The following HELZ variants were observed in gnomAD, a reference collection of about 807,000 sequenced individuals.
The protein encoded by HELZ is ATP-dependent RNA helicase with zinc finger domain.
Under a neutral mutation model 218.2 loss-of-function variants are expected in HELZ, and 23 were observed. The observed-to-expected ratio is 0.11, with a 90% CI of 0.08 to 0.15. HELZ has a LOEUF of 0.15. Among genes scored for constraint, HELZ ranks in the 10% least tolerant of loss-of-function variants. The pLI, the probability that HELZ is intolerant of heterozygous loss-of-function variation, is 1.00. For missense variants in HELZ, 1,813 were observed against 2,353.7 expected, an observed-to-expected ratio of 0.77 and a Z score of 4.75; for synonymous variants, 814 against 829.4, an observed-to-expected ratio of 0.98 and a Z score of 0.32.
chr17:67,231,572 G>GAC, intron 3 of HELZ, among the ~76,000 whole-genome samples: 1 of 145,574 alleles, frequency 6.9e-6, no homozygotes, highest in African/African-American at 2.5e-5. Context: ...CACCCTGGGT[G>GAC]ACAGAGCCAG....
intron 17 of HELZ, among the ~76,000 whole-genome samples, chr17:67,154,501 A>T (rs535215029): frequency 1.3e-5 from 2 of 152,310 alleles, no homozygotes; most frequent in South Asian, 4.1e-4. Context: ...CTAATTACTA[A>T]GTAATTTTTT....
chr17:67,145,651 C>T (rs1181610090), intron 21 of HELZ, 92 bp downstream of exon 21: 1 of 967,992 alleles, frequency 1.0e-6, no homozygotes, highest in Non-Finnish European at 1.6e-6. Flanking sequence ...ATATGCAATA[C>T]AATGTCAACC....
intron 23 of HELZ, among the ~76,000 whole-genome samples, chr17:67,132,293 A>G (rs1307896004): frequency 2.6e-5 from 4 of 152,070 alleles, no homozygotes; most frequent in Non-Finnish European, 4.4e-5. Flanking sequence ...ATATGTTTAT[A>G]TTTTACAGAG....
rs1215383136 is a variant in HELZ, at chr17:67,112,556, T to C, written c.3918+1768A>G. Reference sequence around the variant, plus strand: ...GCTGCCTCATTTGTACTGCAGCCCCTCCAGTGGGTACTGAATCCTTCCATA... The same window carrying C: ...GCTGCCTCATTTGTACTGCAGCCCCCCCAGTGGGTACTGAATCCTTCCATA... On this transcript the variant is annotated intron_variant, in intron 28 of 32. Transcript: ENST00000358691. Among the ~76,000 whole-genome samples, 3 of 152,194 alleles carry C rather than the reference T, an allele frequency of 2.0e-5. No homozygotes were observed. In the East Asian group the frequency reaches 5.8e-4, roughly 29 times the overall value.
intron 31 of HELZ, among the ~76,000 whole-genome samples, chr17:67,102,760 A>C (rs1432481652): frequency 6.6e-6 from 1 of 152,206 alleles, no homozygotes; most frequent in East Asian, 1.9e-4. Flanking sequence ...TTGTCAAATA[A>C]ATTTTTCAGT....
chr17:67,134,082 C>T (rs2038070450), intron 23 of HELZ, among the ~76,000 whole-genome samples: 1 of 152,094 alleles, frequency 6.6e-6, no homozygotes, highest in African/African-American at 2.4e-5. Context: ...TCATTTGTAA[C>T]TCAGAATTAA....
At chr17:67,165,383 G>A (rs1318440863) in intron 15 of HELZ, among the ~76,000 whole-genome samples, 6 of 152,072 alleles carry the variant, frequency 3.9e-5, no homozygotes, top group Non-Finnish European at 5.9e-5. Flanking sequence ...AGCTTCCCAC[G>A]TGACCCTCCG....
At chr17:67,166,113 T>C (rs974482781) in intron 15 of HELZ, among the ~76,000 whole-genome samples, 2 of 152,188 alleles carry the variant, frequency 1.3e-5, no homozygotes, top group African/African-American at 4.8e-5. Flanking sequence ...TCAGCCTGCA[T>C]GACAGAGCAA....
chr17:67,203,512 AAC>A (rs1389426383), intron 5 of HELZ, 69 bp from the exon 6 acceptor site: 3 of 1,557,098 alleles, frequency 1.9e-6, no homozygotes, highest in Admixed American at 1.8e-5. Flanking sequence ...TTATAGTATT[AAC>A]ACACTATCAC....
Position 67,138,005 on chromosome 17 carries a change from A to G in HELZ, c.2879T>C (p.Val960Ala). Reference sequence around the variant, plus strand: ...TCGAAGTTCAGCACGTATTCTAAACACTTGATCAGCATATGGAGTCACCAC... The same window carrying G: ...TCGAAGTTCAGCACGTATTCTAAACGCTTGATCAGCATATGGAGTCACCAC... ...IGVVTPYADQ[V>A]FRIRAELRKK... Residue 960 changes from valine to alanine, a missense_variant, in exon 22 of 33, where the codon GTG becomes GCG. This residue lies in a region of HELZ where 156 missense variants were observed against 274.4 expected (regional missense o/e 0.57). Coordinates refer to ENST00000358691, the MANE Select transcript of HELZ (RefSeq NM_014877.4). The G allele has an allele frequency of 1.9e-6, 3 of 1,613,884 alleles. No individual in the cohort carries two copies. The highest frequency in any genetic ancestry group is 2.5e-6 in the Non-Finnish European group (3 of 1,179,854).
intron 31 of HELZ, among the ~76,000 whole-genome samples, chr17:67,095,566 A>C (rs535064618): frequency 6.6e-6 from 1 of 152,234 alleles, no homozygotes; most frequent in African/African-American, 2.4e-5. Flanking sequence ...AAAGGGAAGA[A>C]ATTCCTCATC....
chr17:67,228,039 G>GA (rs1264274531), intron 3 of HELZ, among the ~76,000 whole-genome samples: 1 of 151,558 alleles, frequency 6.6e-6, no homozygotes, highest in Non-Finnish European at 1.5e-5. Context: ...TTGCCTATTA[G>GA]AAAAAAAATA....
At chr17:67,228,193 C>G (rs186782629) in intron 3 of HELZ, among the ~76,000 whole-genome samples, 203 of 152,118 alleles carry the variant, frequency 1.3e-3, no homozygotes, top group African/African-American at 4.4e-3. Flanking sequence ...TTAATCAGAC[C>G]CCAAGATATC....
At chr17:67,082,272 G>A (rs28664724) in intron 32 of HELZ, among the ~76,000 whole-genome samples, 5,867 of 152,278 alleles carry the variant, frequency 0.039, 384 homozygotes, top group African/African-American at 0.13. Flanking sequence ...TAGTGAGGTA[G>A]CTCTATCCTT....
chr17:67,150,105 G>A (rs2038630214), intron 18 of HELZ, 120 bp from the exon 19 acceptor site: 2 of 426,408 alleles, frequency 4.7e-6, no homozygotes, highest in South Asian at 2.7e-5. Context: ...AGAGTATTGA[G>A]TACTTTTATT....
rs200486206 is a variant in HELZ, at chr17:67,109,247, T to G, written c.4358A>C (p.Gln1453Pro). 3,840 of 1,614,156 alleles carry G rather than the reference T, an allele frequency of 2.4e-3. 40 individuals carry two copies. The Middle Eastern group carries it at 0.028, about 12-fold the overall frequency. The change falls in exon 29 of 33, where the codon CAG becomes CCG. Residue 1453 changes from glutamine to proline, a missense_variant. Physicochemically the swap from Gln to Pro is moderately conservative, Grantham distance 76. Coordinates refer to ENST00000358691, the MANE Select transcript of HELZ (RefSeq NM_014877.4). ...PPAEAVIPEQ[Q>P]PPPMLQEGHS... ...GCCTTCTTGCAGCATGGGAGGGGGCTGCTGCTCCGGAATTACAGCTTCTGC... is the reference window on the plus strand; with the variant it reads ...GCCTTCTTGCAGCATGGGAGGGGGCGGCTGCTCCGGAATTACAGCTTCTGC...
intron 17 of HELZ, among the ~76,000 whole-genome samples, chr17:67,153,670 C>A (rs1038852723): frequency 6.6e-6 from 1 of 151,912 alleles, no homozygotes; most frequent in Non-Finnish European, 1.5e-5. Flanking sequence ...CAAACAGAAG[C>A]CCCCCCACTT....
rs538895605 is a variant in HELZ at position 67,245,178 on chromosome 17, C to T, written c.-162G>A. On this transcript the variant is annotated 5_prime_UTR_variant, in exon 1 of 33. Coordinates refer to ENST00000358691, the MANE Select transcript of HELZ (RefSeq NM_014877.4). ...ATTACTTTCTACGCCATCTTGGATC[C>T]ACTTGTCAACGTCCCCACAAAGCAT... 1.0e-6 allele frequency: 1 copy of T among 985,286 alleles called. No homozygotes were observed. Among genetic ancestry groups the T allele is most frequent in the Admixed American group, 6.1e-5 (1 of 16,276 alleles). The allele number at this position is 985,286 out of a possible 1,614,324, so 61.0% of individuals were successfully genotyped here.
intron 3 of HELZ, among the ~76,000 whole-genome samples, chr17:67,227,536 G>T (rs768908414): frequency 2.6e-5 from 4 of 152,140 alleles, no homozygotes; most frequent in Non-Finnish European, 4.4e-5. Context: ...GGATAAGTGT[G>T]CTGTGAATAA....
Sources: gnomAD v4.1 joint callset for allele counts (sites outside exome capture counted in the v4.1 genomes callset) on GRCh38, gnomAD v4.1.1 for gene constraint, gnomAD v4.1.1 regional missense constraint, MANE v1.5 for transcripts, NCBI Gene and HGNC (gene_info 2026-07-23, HGNC 2026-07-21) for gene names.